The following ZNF215 variants were observed in gnomAD, a reference collection of about 807,000 sequenced individuals.
The protein encoded by ZNF215 is BWSCR2-associated zinc finger protein 2.
Under a neutral mutation model 27.2 loss-of-function variants are expected in ZNF215, and 24 were observed. That is an observed-to-expected ratio of 0.88 (90% CI 0.64 to 1.24). The LOEUF is 1.24. Ranked by LOEUF, ZNF215 falls within the 50% of genes most tolerant of loss-of-function variation. The pLI is 0.00. For missense variants in ZNF215, 675 were observed against 605.7 expected (o/e 1.11, Z -1.20); for synonymous variants, 210 against 204.0 (o/e 1.03, Z -0.25).
chr11:6,960,095 T>A (rs745854860), downstream of ZNF215, among the ~76,000 whole-genome samples: 2 of 152,150 alleles, frequency 1.3e-5, no homozygotes, highest in African/African-American at 2.4e-5. Flanking sequence ...AATGTTCTAT[T>A]TTCACTAATA....
chr11:6,932,317 C>G lies in ZNF215; in HGVS notation c.45C>G (p.Asn15Lys). ...SKLMAISKPR[N>K]LSLREQREVL... ...TGATGGCTATCTCAAAACCTCGAAACCTGTCTCTACGTGAACAAAGAGAGG... is the reference window on the plus strand; with the variant it reads ...TGATGGCTATCTCAAAACCTCGAAAGCTGTCTCTACGTGAACAAAGAGAGG... Residue 15 changes from asparagine (N) to lysine (K), a missense_variant, in exon 3 of 7, where the codon AAC becomes AAG. Coordinates refer to ENST00000278319, the MANE Select transcript of ZNF215 (RefSeq NM_013250.4). The G allele has an allele frequency of 6.2e-7, 1 of 1,614,130 alleles. No homozygotes were observed. Among genetic ancestry groups the G allele is most frequent in the African/African-American group, 1.3e-5 (1 of 75,012 alleles).
chr11:6,943,106 G>T lies in ZNF215; in HGVS notation c.507G>T (p.Val169=). The T allele has an allele frequency of 6.2e-7, 1 of 1,613,702 alleles. No homozygotes were observed. The highest frequency in any genetic ancestry group is 8.5e-7 in the Non-Finnish European group (1 of 1,179,856). ...KPQEPVTFKD[V]VVEFSKEEWG... ...AGGAACCAGTGACATTCAAAGATGT[G>T]GTTGTGGAATTCAGCAAGGAAGAGT... Residue 169 remains valine, a synonymous_variant, in exon 5 of 7, where the codon GTG becomes GTT. Transcript: ENST00000278319.
chr11:6,951,517 G>C (rs905333078), intron 6 of ZNF215, among the ~76,000 whole-genome samples: 2 of 152,142 alleles, frequency 1.3e-5, no homozygotes, highest in Non-Finnish European at 2.9e-5. Context: ...TAGTTTATTT[G>C]CATAGAGGTG....
rs1013338893 is a variant in ZNF215, at chr11:6,981,890, C to G, written c.806-2239C>G. ...AATCCTTTCCCTATTGCTTGTTTTT[C>G]TCAGGTTTGTCAAAGATCAGATAGT... On this transcript the variant is annotated intron_variant, in intron 5 of 5. Coordinates refer to the ZNF215 transcript ENST00000529903. Among the ~76,000 whole-genome samples the G allele has an allele frequency of 2.6e-4, 40 of 152,124 alleles. 1 individual carries two copies. Among genetic ancestry groups the G allele is most frequent in the Admixed American group, 2.4e-3 (36 of 15,266 alleles).
At chr11:6,943,413 T>C (rs1408725163) in intron 5 of ZNF215, 133 bp from the exon 6 acceptor site, 2 of 1,093,484 alleles carry the variant, frequency 1.8e-6, no homozygotes, top group South Asian at 1.6e-5. Flanking sequence ...TACACAAGTC[T>C]ATGGTGCTCT....
At chr11:6,969,966 G>A (rs973319646) in intron 5 of ZNF215, among the ~76,000 whole-genome samples, 6 of 152,096 alleles carry the variant, frequency 3.9e-5, no homozygotes. Context: ...ATTTTTAGTA[G>A]AGATGGGGTT....
At chr11:6,959,475 A>G (rs573894779), downstream of ZNF215, among the ~76,000 whole-genome samples, 4 of 152,380 alleles carry the variant, frequency 2.6e-5, no homozygotes, top group East Asian at 7.7e-4. Context: ...AAGTAACAAG[A>G]TAAAACTCCA....
intron 6 of ZNF215, among the ~76,000 whole-genome samples, chr11:6,952,496 C>T (rs937849663): frequency 7.2e-5 from 11 of 152,208 alleles, no homozygotes; most frequent in African/African-American, 2.6e-4. Flanking sequence ...TAATGGCCTT[C>T]TTTGTCTCTT....
intron 6 of ZNF215, among the ~76,000 whole-genome samples, chr11:6,945,525 T>G (rs887371239): frequency 5.9e-5 from 9 of 152,316 alleles, no homozygotes; most frequent in African/African-American, 2.2e-4. Context: ...CCTGAAACAG[T>G]TGTTGCTAAA....
Position 6,957,373 on chromosome 11 carries a change from G to C in ZNF215, c.*842G>C. On this transcript the variant is annotated 3_prime_UTR_variant, in exon 7 of 7. Transcript: ENST00000278319. ...ACATATCTAAATTATCTCAGTCTGA[G>C]TTTGTGAGGAAGTGTGCCCTGCAGT... 4.9e-6 allele frequency: 1 copy of C among 204,120 alleles called. No individual in the cohort carries two copies. Among genetic ancestry groups the C allele is most frequent in the Non-Finnish European group, 8.7e-6 (1 of 115,550 alleles). The allele number at this position is 204,120 out of a possible 1,614,324, so 12.6% of individuals were successfully genotyped here.
At chr11:6,989,653 T>C (rs1297284565), downstream of ZNF215, among the ~76,000 whole-genome samples, 1 of 152,206 alleles carries the variant, frequency 6.6e-6, no homozygotes, top group Non-Finnish European at 1.5e-5. Flanking sequence ...GCTGCACTCT[T>C]GGCTCTTCCT....
chr11:6,968,342 G>A (rs972985867), intron 5 of ZNF215, among the ~76,000 whole-genome samples: 12 of 152,102 alleles, frequency 7.9e-5, no homozygotes, highest in African/African-American at 2.9e-4. Flanking sequence ...GTAGCTTCAT[G>A]GGGATAGCAC....
At chr11:6,940,244 A>AG (rs1849589442) in intron 3 of ZNF215, among the ~76,000 whole-genome samples, 1 of 151,928 alleles carries the variant, frequency 6.6e-6, no homozygotes, top group Non-Finnish European at 1.5e-5. Context: ...AAAAAAAAAA[A>AG]AAAAGTTAAC....
At chr11:6,973,905 C>G (rs1354028648) in intron 5 of ZNF215, among the ~76,000 whole-genome samples, 2 of 152,094 alleles carry the variant, frequency 1.3e-5, no homozygotes, top group Non-Finnish European at 2.9e-5. Context: ...TAAATTAGAT[C>G]CCATTTGTCA....
At chr11:6,971,557 G>A (rs1476260542) in intron 5 of ZNF215, among the ~76,000 whole-genome samples, 2 of 152,110 alleles carry the variant, frequency 1.3e-5, no homozygotes, top group East Asian at 1.9e-4. Context: ...CTATCATAGA[G>A]AAAACACAAA....
Position 6,932,277 on chromosome 11 carries a change from A to G in ZNF215, c.5A>G (p.Gln2Arg). 5 of 1,613,044 alleles carry G rather than the reference A, an allele frequency of 3.1e-6. No individual in the cohort carries two copies. The highest frequency in any genetic ancestry group is 4.2e-6 in the Non-Finnish European group (5 of 1,179,484). ...GTGGGAGTTCTATTTAGGAAGATGC[A>G]GCCTCTGAGCAAGTTGATGGCTATC... M[Q>R]PLSKLMAISK... Residue 2 changes from glutamine to arginine, a missense_variant, in exon 3 of 7, where the codon CAG (glutamine) becomes CGG (arginine). Coordinates refer to ENST00000278319, the MANE Select transcript of ZNF215 (RefSeq NM_013250.4).
downstream of ZNF215, among the ~76,000 whole-genome samples, chr11:6,988,023 C>G (rs1460297366): frequency 6.6e-6 from 1 of 152,200 alleles, no homozygotes; most frequent in African/African-American, 2.4e-5. Flanking sequence ...TATCTAAGAA[C>G]ATTCTGTAGG....
intron 5 of ZNF215, among the ~76,000 whole-genome samples, chr11:6,982,646 C>T (rs1282886637): frequency 3.3e-5 from 5 of 152,086 alleles, no homozygotes; most frequent in Admixed American, 2.0e-4. Flanking sequence ...ACAACTTGCT[C>T]CTGAATGACT....
chr11:6,990,555 C>G (rs1851104767), downstream of ZNF215, among the ~76,000 whole-genome samples: 1 of 152,186 alleles, frequency 6.6e-6, no homozygotes. Flanking sequence ...GAGACTTACA[C>G]CTTACAACCT....
Sources: gnomAD v4.1 joint callset for allele counts (sites outside exome capture counted in the v4.1 genomes callset) on GRCh38, gnomAD v4.1.1 for gene constraint, MANE v1.5 for transcripts, NCBI Gene and HGNC (gene_info 2026-07-23, HGNC 2026-07-21) for gene names.